GRIK1: variants seen among roughly 807,000 people sequenced by gnomAD.
The protein encoded by GRIK1 is glutamate receptor ionotropic, kainate 1.
In GRIK1, 69 loss-of-function variants were observed where a neutral mutation model predicts 105.7. The observed-to-expected ratio is 0.65, with a 90% CI of 0.54 to 0.80. GRIK1 has a LOEUF of 0.80. GRIK1 is among the 30% of genes least tolerant of loss of function. The probability of loss-of-function intolerance (pLI) is 0.00; values close to 1 mark genes in which losing one functional copy is unlikely to be tolerated. For missense variants in GRIK1, 1,109 were observed against 1,167.3 expected, an observed-to-expected ratio of 0.95 and a Z score of 0.73; for synonymous variants, 438 against 431.3, an observed-to-expected ratio of 1.02 and a Z score of -0.19.
At chr21:29,782,672 C>A (rs141624014) in intron 1 of GRIK1, among the ~76,000 whole-genome samples, 1 of 152,176 alleles carries the variant, frequency 6.6e-6, no homozygotes, top group Non-Finnish European at 1.5e-5. Context: ...ATAAAACGGG[C>A]AAAGATTTCC....
intron 1 of GRIK1, among the ~76,000 whole-genome samples, chr21:29,810,675 A>T (rs7275960): frequency 6.6e-6 from 1 of 152,174 alleles, no homozygotes; most frequent in South Asian, 2.1e-4. Context: ...GGGAGCTGGT[A>T]ATCTCAGGAA....
At chr21:29,852,601 C>T (rs1182554189) in intron 1 of GRIK1, among the ~76,000 whole-genome samples, 1 of 152,082 alleles carries the variant, frequency 6.6e-6, no homozygotes, top group East Asian at 1.9e-4. Flanking sequence ...ATAAATGTGG[C>T]CTGAAAGCTG....
intron 1 of GRIK1, among the ~76,000 whole-genome samples, chr21:29,908,574 A>G (rs2070719630): frequency 6.6e-6 from 1 of 152,170 alleles, no homozygotes; most frequent in South Asian, 2.1e-4. Flanking sequence ...GGCCTCCAAC[A>G]TACATTTTCA....
chr21:29,601,032 G>A (rs748850361), intron 7 of GRIK1, among the ~76,000 whole-genome samples: 3 of 152,190 alleles, frequency 2.0e-5, no homozygotes, highest in Admixed American at 6.5e-5. Context: ...TAGGCCACAC[G>A]ATGCCCAAAT....
intron 1 of GRIK1, among the ~76,000 whole-genome samples, chr21:29,897,790 T>G (rs2070227085): frequency 6.6e-6 from 1 of 152,242 alleles, no homozygotes; most frequent in Non-Finnish European, 1.5e-5. Flanking sequence ...ACAAGCATAA[T>G]AATTCCCACT....
At chr21:29,883,814 A>G (rs1266299791) in intron 1 of GRIK1, among the ~76,000 whole-genome samples, 1 of 152,016 alleles carries the variant, frequency 6.6e-6, no homozygotes. Flanking sequence ...ACATTTCAAA[A>G]TCTCCCAGCA....
At chr21:29,733,837 T>A (rs184468031) in intron 1 of GRIK1, among the ~76,000 whole-genome samples, 94 of 152,278 alleles carry the variant, frequency 6.2e-4, no homozygotes, top group African/African-American at 2.3e-3. Context: ...TTAAAAGAGA[T>A]GCACAGTAGC....
chr21:29,580,683 A>G (rs2091007979), intron 13 of GRIK1, among the ~76,000 whole-genome samples: 1 of 152,136 alleles, frequency 6.6e-6, no homozygotes, highest in African/African-American at 2.4e-5. Flanking sequence ...AGTTTCTGTG[A>G]CTTATGATTT....
chr21:29,620,540 C>T (rs1228752451), intron 7 of GRIK1, among the ~76,000 whole-genome samples: 2 of 151,882 alleles, frequency 1.3e-5, no homozygotes, highest in Non-Finnish European at 2.9e-5. Context: ...GACTTGCTTC[C>T]AGAGAGATCG....
intron 1 of GRIK1, among the ~76,000 whole-genome samples, chr21:29,776,472 G>A (rs1248106866): frequency 6.6e-6 from 1 of 152,128 alleles, no homozygotes; most frequent in Non-Finnish European, 1.5e-5. Context: ...CTCCATGAAG[G>A]CATATTGCTC....
intron 1 of GRIK1, among the ~76,000 whole-genome samples, chr21:29,813,175 G>A (rs16985062): frequency 0.035 from 5,348 of 152,190 alleles, 204 homozygotes; most frequent in East Asian, 0.1. Flanking sequence ...CCAAGATTTG[G>A]TGACAACAGG....
intron 1 of GRIK1, among the ~76,000 whole-genome samples, chr21:29,767,493 AG>A (rs2065696856): frequency 6.6e-6 from 1 of 152,106 alleles, no homozygotes; most frequent in Non-Finnish European, 1.5e-5. Flanking sequence ...ATATAAAAAA[AG>A]GTTTGCTCAG....
At chr21:29,546,215 C>G (rs1432131888) in intron 16 of GRIK1, among the ~76,000 whole-genome samples, 1 of 152,244 alleles carries the variant, frequency 6.6e-6, no homozygotes, top group Admixed American at 6.5e-5. Flanking sequence ...TCCACTGGTT[C>G]TCTCAGCCCT....
At chr21:29,603,550 G>T (rs1246634309) in intron 7 of GRIK1, among the ~76,000 whole-genome samples, 1 of 152,116 alleles carries the variant, frequency 6.6e-6, no homozygotes, top group Non-Finnish European at 1.5e-5. Context: ...CAAGTAGGAG[G>T]TGTCCTCTTG....
chr21:29,673,014 G>A lies in GRIK1; in HGVS notation c.695C>T (p.Ser232Leu). Residue 232 changes from serine to leucine, a missense_variant, in exon 4 of 18, where the codon TCA (serine) becomes TTA (leucine). Coordinates refer to ENST00000327783, the MANE Select transcript of GRIK1 (RefSeq NM_001330994.2). ...AAGGATTTCAGCGGCTGTTTCATGT[G>A]AACAATCAAATATCACATAGAACTC... ...GKEFYVIFDC[S>L]HETAAEILKQ... 4 of 1,613,144 alleles carry A rather than the reference G, an allele frequency of 2.5e-6. No individual in the cohort carries two copies. The highest frequency in any genetic ancestry group is 3.4e-6 in the Non-Finnish European group (4 of 1,179,380).
chr21:29,720,290 T>C (rs564565904), intron 1 of GRIK1, among the ~76,000 whole-genome samples: 20 of 152,346 alleles, frequency 1.3e-4, no homozygotes, highest in Admixed American at 6.5e-4. Context: ...CTATGCTGTT[T>C]GCATCTATGA....
chr21:29,770,337 G>A (rs755915179), intron 1 of GRIK1, among the ~76,000 whole-genome samples: 1 of 152,192 alleles, frequency 6.6e-6, no homozygotes, highest in South Asian at 2.1e-4. Flanking sequence ...CCACGTCTGG[G>A]TCTGATGCTC....
At chr21:29,830,121 G>A (rs1361837504) in intron 1 of GRIK1, among the ~76,000 whole-genome samples, 1 of 151,010 alleles carries the variant, frequency 6.6e-6, no homozygotes, top group Non-Finnish European at 1.5e-5. Flanking sequence ...GCACTGGCTT[G>A]GAAAATCTAC....
chr21:29,764,286 C>T (rs2065602739), intron 1 of GRIK1, among the ~76,000 whole-genome samples: 1 of 152,110 alleles, frequency 6.6e-6, no homozygotes, highest in African/African-American at 2.4e-5. Flanking sequence ...TTACTAGTGC[C>T]ACAGAAAACA....
Sources: allele counts gnomAD v4.1 joint callset (sites outside exome capture counted in the v4.1 genomes callset), GRCh38; gene constraint gnomAD v4.1.1; transcripts MANE v1.5; gene names NCBI Gene and HGNC (gene_info 2026-07-23, HGNC 2026-07-21).